NTM: variants seen among roughly 807,000 people sequenced by gnomAD.
NTM encodes neurotrimin.
In NTM, 13 loss-of-function variants were observed where a neutral mutation model predicts 42.1. The ratio of observed to expected loss-of-function variants is 0.31; its 90% CI spans 0.20 to 0.49. NTM has a LOEUF of 0.49. NTM is among the 20% of genes least tolerant of loss of function. NTM has a pLI of 0.99. For missense variants in NTM, 373 were observed against 452.8 expected (o/e 0.82, Z 1.60); for synonymous variants, 187 against 179.2 (o/e 1.04, Z -0.35).
intron 1 of NTM, among the ~76,000 whole-genome samples, chr11:131,544,353 T>A (rs1170877986): frequency 6.6e-6 from 1 of 152,146 alleles, no homozygotes; most frequent in Non-Finnish European, 1.5e-5. Flanking sequence ...CAGTGCCTGG[T>A]TCGTTTGTCT....
At chr11:131,931,468 CGTGTGTGTGTGTGT>C (rs147069139) in intron 2 of NTM, among the ~76,000 whole-genome samples, 23 of 142,706 alleles carry the variant, frequency 1.6e-4, no homozygotes, top group Admixed American at 3.5e-4. Context: ...ATAATATATA[CGTGTGTGTGTGTGT>C]GTGTGTGTGT....
chr11:131,888,908 A>ATT (rs71067344), intron 1 of NTM, among the ~76,000 whole-genome samples: 1 of 143,776 alleles, frequency 7.0e-6, no homozygotes, highest in Non-Finnish European at 1.5e-5. Context: ...ATTCCTCTTT[A>ATT]TTTTTTTTTT....
intron 2 of NTM, among the ~76,000 whole-genome samples, chr11:131,994,855 A>T (rs578009666): frequency 2.0e-5 from 3 of 152,238 alleles, no homozygotes; most frequent in African/African-American, 4.8e-5. Flanking sequence ...CCAACTTCAT[A>T]TTCTGAATTT....
chr11:131,934,755 C>T (rs1264026407), intron 2 of NTM, among the ~76,000 whole-genome samples: 2 of 152,080 alleles, frequency 1.3e-5, no homozygotes, highest in Non-Finnish European at 2.9e-5. Flanking sequence ...AGCAGGACAC[C>T]GCAGGGAGCA....
intron 1 of NTM, among the ~76,000 whole-genome samples, chr11:131,499,966 C>G (rs1381273905): frequency 1.3e-5 from 2 of 152,326 alleles, no homozygotes; most frequent in East Asian, 3.9e-4. Flanking sequence ...GATGTGTGTT[C>G]CGGCACAAAC....
intron 1 of NTM, 100 bp downstream of exon 1, chr11:131,370,988 T>C (rs1303762425): frequency 1.3e-6 from 2 of 1,564,452 alleles, no homozygotes; most frequent in Non-Finnish European, 1.7e-6. Flanking sequence ...CTGCGCTGTT[T>C]GCAGGTGGAG....
chr11:131,832,245 T>C (rs893072864), intron 1 of NTM, among the ~76,000 whole-genome samples: 1 of 151,212 alleles, frequency 6.6e-6, no homozygotes. Context: ...TTCTCACTCA[T>C]GGGTTCAGAG....
chr11:131,801,294 T>A (rs897881114), intron 1 of NTM, among the ~76,000 whole-genome samples: 5 of 152,142 alleles, frequency 3.3e-5, no homozygotes, highest in African/African-American at 1.2e-4. Flanking sequence ...CTCACTTGAA[T>A]CAATTGTGTG....
chr11:132,223,156 T>G (rs147105588), intron 4 of NTM, among the ~76,000 whole-genome samples: 2,450 of 152,346 alleles, frequency 0.016, 69 homozygotes, highest in African/African-American at 0.054. Context: ...TAATTGTTTA[T>G]TGAGCACCTA....
At chr11:131,549,989 T>A (rs1468143469) in intron 1 of NTM, among the ~76,000 whole-genome samples, 2 of 152,168 alleles carry the variant, frequency 1.3e-5, no homozygotes, top group African/African-American at 4.8e-5. Context: ...CAGGGCGGAC[T>A]CAGGCACAAA....
intron 2 of NTM, among the ~76,000 whole-genome samples, chr11:132,098,706 ACAAGGCGTGGT>A (rs2061314603): frequency 6.6e-6 from 1 of 152,280 alleles, no homozygotes; most frequent in Non-Finnish European, 1.5e-5. Context: ...CCCCACAAGT[ACAAGGCGTGGT>A]GAACTTGTAG....
At chr11:132,318,816 C>A (rs1454860537) in intron 7 of NTM, among the ~76,000 whole-genome samples, 1 of 152,036 alleles carries the variant, frequency 6.6e-6, no homozygotes, top group African/African-American at 2.4e-5. Context: ...TCTGGCCTTG[C>A]AAACTGTCAT....
intron 1 of NTM, among the ~76,000 whole-genome samples, chr11:131,376,936 A>C (rs947401277): frequency 6.6e-6 from 1 of 152,208 alleles, no homozygotes; most frequent in Non-Finnish European, 1.5e-5. Flanking sequence ...GAGATAAAAC[A>C]GCGATGAAAA....
rs148055985 is a variant in NTM, at chr11:132,268,613, C to CTG, written c.527-39058_527-39057dup. Among the ~76,000 whole-genome samples the CTG allele has an allele frequency of 7.4e-3, 1,091 of 146,712 alleles. 7 individuals carry two copies. The highest frequency in any genetic ancestry group is 0.031 in the East Asian group (155 of 4,988). On this transcript the variant is annotated intron_variant, in intron 4 of 8. Coordinates refer to ENST00000683400, the MANE Select transcript of NTM (RefSeq NM_001352005.2). ...GTGGATGTGTGGAGTGTGGTCTCCTCTGTGTGTGTGTGTGTGTGTATGTGT... is the reference window on the plus strand; with the variant it reads ...GTGGATGTGTGGAGTGTGGTCTCCTCTGTGTGTGTGTGTGTGTGTGTATGTGT...
intron 1 of NTM, among the ~76,000 whole-genome samples, chr11:131,846,282 G>A (rs1014380973): frequency 3.3e-5 from 5 of 152,084 alleles, no homozygotes; most frequent in Non-Finnish European, 7.4e-5. Flanking sequence ...AGAGGCATAA[G>A]AGTTTTGTTG....
At position 131,882,060 on chromosome 11, in the gene NTM, AG is replaced by A. The variant is rs201376692; in HGVS notation, c.83-29501del. Among the ~76,000 whole-genome samples the A allele has an allele frequency of 9.3e-3, 1,421 of 152,316 alleles. 25 individuals are homozygous for A. The highest frequency in any genetic ancestry group is 0.032 in the African/African-American group (1,338 of 41,570). On this transcript the variant is annotated intron_variant, in intron 1 of 8. Coordinates refer to ENST00000683400, the MANE Select transcript of NTM (RefSeq NM_001352005.2). Reference sequence around the variant, plus strand: ...ACAGAGGAAGGATATATTCCAACAAAGGGCCCAAGTGAGTGTCTTGCCTGTA... The same window carrying A: ...ACAGAGGAAGGATATATTCCAACAAAGGCCCAAGTGAGTGTCTTGCCTGTA...
At chr11:131,929,518 A>G (rs1244486670) in intron 2 of NTM, among the ~76,000 whole-genome samples, 2 of 147,856 alleles carry the variant, frequency 1.4e-5, no homozygotes, top group Admixed American at 1.3e-4. Context: ...TTTTTTTTGT[A>G]TACGGCAAAG....
chr11:131,497,107 C>G (rs1955428855), intron 1 of NTM, among the ~76,000 whole-genome samples: 1 of 152,194 alleles, frequency 6.6e-6, no homozygotes, highest in African/African-American at 2.4e-5. Context: ...CAGAGGAAAC[C>G]CCTATGAAAT....
intron 1 of NTM, among the ~76,000 whole-genome samples, chr11:131,836,862 T>A (rs889720054): frequency 1.3e-5 from 2 of 152,216 alleles, no homozygotes; most frequent in African/African-American, 4.8e-5. Context: ...ATTAAGAAAT[T>A]CTTTAATAGA....
Sources: allele counts gnomAD v4.1 joint callset (sites outside exome capture counted in the v4.1 genomes callset), GRCh38; gene constraint gnomAD v4.1.1; transcripts MANE v1.5; gene names NCBI Gene and HGNC (gene_info 2026-07-23, HGNC 2026-07-21).